The following DDX10 variants were observed in gnomAD, a reference collection of about 807,000 sequenced individuals.
The protein encoded by DDX10 is DEAD-box helicase 10.
A neutral mutation model predicts 104.3 loss-of-function variants in DDX10; 74 were observed. That is an observed-to-expected ratio of 0.71 (90% CI 0.59 to 0.86). The LOEUF (loss-of-function observed/expected upper bound fraction) is 0.86, where lower values mean the gene tolerates loss of function less well. DDX10 is among the 40% of genes least tolerant of loss of function. The pLI, the probability that DDX10 is intolerant of heterozygous loss-of-function variation, is 0.00. For missense variants in DDX10, 952 were observed against 1,040.0 expected (o/e 0.92, Z 1.16); for synonymous variants, 351 against 353.4 (o/e 0.99, Z 0.08).
chr11:108,791,711 C>T (rs1357235643), intron 13 of DDX10, among the ~76,000 whole-genome samples: 10 of 152,178 alleles, frequency 6.6e-5, no homozygotes. Flanking sequence ...CCTTGTTTCT[C>T]TACTAGTTTT....
chr11:108,777,049 G>A (rs773622860), intron 13 of DDX10, among the ~76,000 whole-genome samples: 4 of 152,194 alleles, frequency 2.6e-5, no homozygotes, highest in Non-Finnish European at 5.9e-5. Context: ...TGGATATTAA[G>A]TGGCCAGGTT....
chr11:108,675,760 T>TAA (rs751659427), intron 3 of DDX10, 34 bp downstream of exon 3: 19 of 1,607,424 alleles, frequency 1.2e-5, no homozygotes. Flanking sequence ...GACTGTCTGT[T>TAA]ATACAATTTT....
At chr11:108,776,082 G>GT (rs1390055220) in intron 13 of DDX10, among the ~76,000 whole-genome samples, 1 of 152,112 alleles carries the variant, frequency 6.6e-6, no homozygotes, top group Non-Finnish European at 1.5e-5. Flanking sequence ...TTCCATATCT[G>GT]TTGTGGTTTC....
intron 16 of DDX10, among the ~76,000 whole-genome samples, chr11:108,887,467 TAAAA>T (rs528986112): frequency 1.3e-5 from 2 of 149,498 alleles, no homozygotes; most frequent in East Asian, 2.0e-4. Flanking sequence ...TTTTTTTTCT[TAAAA>T]AAAAAGAAAA....
intron 10 of DDX10, among the ~76,000 whole-genome samples, chr11:108,710,279 A>G (rs939174438): frequency 1.4e-4 from 21 of 152,144 alleles, no homozygotes; most frequent in African/African-American, 5.1e-4. Context: ...TTTTTTCTTC[A>G]GTAACCTTAG....
Position 108,678,386 on chromosome 11 carries a change from A to G in DDX10, c.609A>G (p.Gln203=), listed in dbSNP as rs999504971. Residue 203 remains glutamine, a synonymous_variant, in exon 5 of 18, where the codon CAA becomes CAG. Transcript: ENST00000322536. ...TGTGCACACCAGGTCGGCTTCTTCAACACATGGATGAAACAGTATCTTTTC... is the reference window on the plus strand; with the variant it reads ...TGTGCACACCAGGTCGGCTTCTTCAGCACATGGATGAAACAGTATCTTTTC... ...ILVCTPGRLL[Q]HMDETVSFHA... 6.2e-7 allele frequency: 1 copy of G among 1,613,472 alleles called. No individual in the cohort carries two copies. Among genetic ancestry groups the G allele is most frequent in the African/African-American group, 1.3e-5 (1 of 74,904 alleles).
chr11:108,882,847 T>C (rs975617284), intron 16 of DDX10, among the ~76,000 whole-genome samples: 6 of 152,216 alleles, frequency 3.9e-5, no homozygotes, highest in African/African-American at 1.4e-4. Context: ...GCTGGGCCAA[T>C]GATATGACCT....
intron 17 of DDX10, among the ~76,000 whole-genome samples, chr11:108,925,550 G>A (rs1469458843): frequency 6.6e-6 from 1 of 152,108 alleles, no homozygotes; most frequent in Non-Finnish European, 1.5e-5. Context: ...TTCTTAGGAT[G>A]TTTCTTTTTG....
intron 13 of DDX10, among the ~76,000 whole-genome samples, chr11:108,809,351 C>G (rs1862145853): frequency 6.6e-6 from 1 of 152,162 alleles, no homozygotes; most frequent in African/African-American, 2.4e-5. Flanking sequence ...GTGTTAGGGA[C>G]TCCGCCCCCT....
chr11:108,675,848 C>T (rs888173915), intron 3 of DDX10, 122 bp downstream of exon 3: 31 of 1,276,678 alleles, frequency 2.4e-5, no homozygotes, highest in South Asian at 1.7e-4. Flanking sequence ...GGCTAGAATG[C>T]GAGCTTCATC....
chr11:108,835,936 A>C (rs78497470), intron 13 of DDX10, among the ~76,000 whole-genome samples: 5,176 of 152,190 alleles, frequency 0.034, 95 homozygotes, highest in Middle Eastern at 0.088. Context: ...AAGTTTCAGA[A>C]AGTTTGTGTT....
intron 1 of DDX10, 106 bp from the exon 2 acceptor site, chr11:108,673,361 T>C: frequency 1.3e-6 from 1 of 745,622 alleles, no homozygotes. Flanking sequence ...GATGATTGAA[T>C]TCAACCCTGA....
At chr11:108,927,535 A>G (rs948248673) in intron 17 of DDX10, among the ~76,000 whole-genome samples, 2 of 152,216 alleles carry the variant, frequency 1.3e-5, no homozygotes, top group Non-Finnish European at 2.9e-5. Flanking sequence ...TGTTTCTATA[A>G]GGCACTGCAT....
At chr11:108,671,892 T>G (rs983116352) in intron 1 of DDX10, among the ~76,000 whole-genome samples, 1 of 151,890 alleles carries the variant, frequency 6.6e-6, no homozygotes, top group African/African-American at 2.4e-5. Flanking sequence ...ACCCCGTCTC[T>G]ACTAAAAATA....
chr11:108,906,755 G>C (rs552537325), intron 16 of DDX10, among the ~76,000 whole-genome samples: 1 of 152,166 alleles, frequency 6.6e-6, no homozygotes, highest in African/African-American at 2.4e-5. Context: ...TTAATAGGGC[G>C]TTATGAAATT....
intron 16 of DDX10, among the ~76,000 whole-genome samples, chr11:108,879,089 C>T (rs765258391): frequency 2.8e-4 from 42 of 152,050 alleles, no homozygotes; most frequent in Admixed American, 5.9e-4. Context: ...CTGCAACCTC[C>T]GCCTCCCAGG....
At chr11:108,728,225 T>A (rs1447550265) in intron 13 of DDX10, among the ~76,000 whole-genome samples, 3 of 152,114 alleles carry the variant, frequency 2.0e-5, no homozygotes, top group Non-Finnish European at 4.4e-5. Flanking sequence ...TCAGTCCTGC[T>A]CAGACTTAGT....
chr11:108,903,326 G>A (rs922332844), intron 16 of DDX10, among the ~76,000 whole-genome samples: 1 of 152,040 alleles, frequency 6.6e-6, no homozygotes, highest in Non-Finnish European at 1.5e-5. Context: ...GGTCCTTTGC[G>A]ATGGGCTTCT....
intron 13 of DDX10, among the ~76,000 whole-genome samples, chr11:108,796,294 C>T (rs1861940554): frequency 6.6e-6 from 1 of 152,184 alleles, no homozygotes; most frequent in Non-Finnish European, 1.5e-5. Context: ...TTCTGTGTTA[C>T]ATTTTTGTTC....
Sources: gnomAD v4.1 joint callset for allele counts (sites outside exome capture counted in the v4.1 genomes callset) on GRCh38, gnomAD v4.1.1 for gene constraint, MANE v1.5 for transcripts, NCBI Gene and HGNC (gene_info 2026-07-23, HGNC 2026-07-21) for gene names.